The following GNAL variants were observed in gnomAD, a reference collection of about 807,000 sequenced individuals.
The protein encoded by GNAL is guanine nucleotide-binding protein G(olf) subunit alpha.
A neutral mutation model predicts 55.1 loss-of-function variants in GNAL; 18 were observed. That is an observed-to-expected ratio of 0.33 (90% CI 0.23 to 0.48). The LOEUF (loss-of-function observed/expected upper bound fraction) is 0.48, where lower values mean the gene tolerates loss of function less well. Among genes scored for constraint, GNAL ranks in the 20% least tolerant of loss-of-function variants. The pLI is 0.99. For missense variants in GNAL, 412 were observed against 614.1 expected (o/e 0.67, Z 3.48); for synonymous variants, 253 against 237.0 (o/e 1.07, Z -0.62).
At chr18:11,880,283 A>G (rs1368671104) in intron 11 of GNAL, among the ~76,000 whole-genome samples, 2 of 147,068 alleles carry the variant, frequency 1.4e-5, no homozygotes, top group African/African-American at 2.5e-5. Context: ...AAACAAGCTA[A>G]TTAGGTGGGG....
intron 4 of GNAL, among the ~76,000 whole-genome samples, chr18:11,821,275 G>T (rs2035081998): frequency 1.3e-5 from 2 of 152,148 alleles, no homozygotes; most frequent in South Asian, 4.1e-4. Flanking sequence ...AAACCCAGTA[G>T]AAAACTAAAG....
chr18:11,862,536 A>G, intron 6 of GNAL, 87 bp downstream of exon 6: 5 of 1,175,526 alleles, frequency 4.3e-6, no homozygotes, highest in Non-Finnish European at 5.1e-6. Context: ...AGAATGAATT[A>G]AGGAAAAATC....
At chr18:11,736,448 ATTAGTT>A in intron 1 of GNAL, among the ~76,000 whole-genome samples, 1 of 152,318 alleles carries the variant, frequency 6.6e-6, no homozygotes, top group East Asian at 1.9e-4. Flanking sequence ...ATGTAGAAGT[ATTAGTT>A]TTATTTTAAA....
In GNAL at chr18:11,882,134, CCAA is replaced by C. The variant is rs1265038376; in HGVS notation, c.*1002_*1004del. 1 of 152,180 alleles carries C rather than the reference CCAA, an allele frequency of 6.6e-6. No homozygotes were observed. The highest frequency in any genetic ancestry group is 1.5e-5 in the Non-Finnish European group (1 of 68,030). 9.4% of individuals were successfully genotyped at this position (152,180 alleles called of 1,614,324 possible). ...TCATCCACATTCTATCGACAATGTA[CCAA>C]CATCACAAGCTGTTGCAACCACCTG... On this transcript the variant is annotated 3_prime_UTR_variant, in exon 12 of 12. Transcript: ENST00000334049.
chr18:11,781,979 T>C (rs781597397), intron 4 of GNAL, among the ~76,000 whole-genome samples: 42 of 152,134 alleles, frequency 2.8e-4, no homozygotes, highest in Non-Finnish European at 4.6e-4. Flanking sequence ...AACAAGACAA[T>C]GGATACATAA....
rs540949677 is a variant in GNAL at position 11,705,848 on chromosome 18, C to G, written c.376+15909C>G. 2.6e-5 allele frequency among the ~76,000 whole-genome samples: 4 copies of G among 151,422 alleles called. No individual in the cohort carries two copies. In the East Asian group the frequency reaches 7.8e-4, roughly 29 times the overall value. On this transcript the variant is annotated intron_variant, in intron 1 of 11. Coordinates refer to ENST00000334049, the MANE Select transcript of GNAL (RefSeq NM_182978.4). ...TCGGCTCACTGCAACCTTCGCCTCC[C>G]AGGTCCAGGCGATTCCCCTGCCTTA...
intron 1 of GNAL, among the ~76,000 whole-genome samples, chr18:11,739,451 G>A (rs931265868): frequency 7.2e-5 from 11 of 152,066 alleles, no homozygotes; most frequent in African/African-American, 2.4e-4. Flanking sequence ...ACCATGGTAC[G>A]GTTCTCAAAA....
intron 1 of GNAL, among the ~76,000 whole-genome samples, chr18:11,741,201 A>C (rs1384802136): frequency 6.6e-6 from 1 of 152,216 alleles, no homozygotes; most frequent in African/African-American, 2.4e-5. Flanking sequence ...AGAAGGGTGT[A>C]GTTTTTTAAA....
At chr18:11,835,347 C>T (rs188262423) in intron 5 of GNAL, among the ~76,000 whole-genome samples, 19 of 151,024 alleles carry the variant, frequency 1.3e-4, no homozygotes, top group Non-Finnish European at 2.9e-5. Context: ...TAAAATGAAG[C>T]TGGGCACAGT....
At chr18:11,822,963 TA>T (rs1293052256) in intron 4 of GNAL, among the ~76,000 whole-genome samples, 2 of 152,168 alleles carry the variant, frequency 1.3e-5, no homozygotes, top group Non-Finnish European at 2.9e-5. Flanking sequence ...TGTGTTTGGA[TA>T]AATCCAGTTA....
chr18:11,752,214 T>A lies in GNAL; in HGVS notation c.377-639T>A. On this transcript the variant is annotated intron_variant, in intron 1 of 11. Coordinates refer to ENST00000334049, the MANE Select transcript of GNAL (RefSeq NM_182978.4). This position sits in a 1 kb window ranked among gnomAD's most constrained non-coding sequence, Gnocchi z 4.5. ...ATTCTCGTGTAAAAAGGCATTTTAC[T>A]CCGCGCGTCTTCCTTACAGCCATTT... is the stretch of plus-strand genomic sequence containing the variant. 1.2e-6 allele frequency: 1 copy of A among 818,482 alleles called. No individual in the cohort carries two copies. 50.7% of individuals were successfully genotyped at this position (818,482 alleles called of 1,614,324 possible).
intron 4 of GNAL, among the ~76,000 whole-genome samples, chr18:11,754,382 A>G (rs2032968297): frequency 6.6e-6 from 1 of 151,594 alleles, no homozygotes; most frequent in Admixed American, 6.6e-5. Flanking sequence ...ACGCCACTGC[A>G]CTCCAGCCTG....
rs541268315 is a variant in GNAL at position 11,722,872 on chromosome 18, G to A, written c.377-29981G>A. On this transcript the variant is annotated intron_variant, in intron 1 of 11. Transcript: ENST00000334049. ...ATTAAAAATACAAAATTAGCTGGGC[G>A]TGGTGGCGCATGCCTATAATCCCAG... Among the ~76,000 whole-genome samples, 111 of 152,320 alleles carry A rather than the reference G, an allele frequency of 7.3e-4. 1 individual carries two copies. The highest frequency in any genetic ancestry group is 2.6e-3 in the African/African-American group (108 of 41,568).
At chr18:11,717,887 G>C (rs2032011100) in intron 1 of GNAL, among the ~76,000 whole-genome samples, 1 of 152,078 alleles carries the variant, frequency 6.6e-6, no homozygotes, top group East Asian at 1.9e-4. Flanking sequence ...AAAACCTCAA[G>C]ACACAAGTTT....
chr18:11,844,747 TCATGAACAG>T lies in GNAL; in HGVS notation c.723-17647_723-17639del, dbSNP rs542745979. Among the ~76,000 whole-genome samples the T allele has an allele frequency of 1.9e-3, 297 of 152,344 alleles. 1 individual carries two copies. Among genetic ancestry groups the T allele is most frequent in the Middle Eastern group, 0.01 (3 of 294 alleles). ...CCTGACTTCTCACAATCTGTTCCCA[TCATGAACAG>T]AAGGTGCTCCCCGAGGAGGACGAGA... On this transcript the variant is annotated intron_variant, in intron 5 of 11. Coordinates refer to ENST00000334049, the MANE Select transcript of GNAL (RefSeq NM_182978.4).
rs537827457 is a variant in GNAL, at chr18:11,761,442, T to A, written c.624+7497T>A. ...ACCTCCCTTCCTGCCTGTTCTCTGT[T>A]ACCAGCAGGCCCCAGAGCTCGGCTC... On this transcript the variant is annotated intron_variant, in intron 4 of 11. Transcript: ENST00000334049. Among the ~76,000 whole-genome samples the A allele has an allele frequency of 2.6e-5, 4 of 152,332 alleles. No homozygotes were observed. The South Asian group carries it at 8.3e-4, about 32-fold the overall frequency.
At position 11,721,192 on chromosome 18, in the gene GNAL, G is replaced by A. The variant is rs1028375391; in HGVS notation, c.376+31253G>A. On this transcript the variant is annotated intron_variant, in intron 1 of 11. Coordinates refer to ENST00000334049, the MANE Select transcript of GNAL (RefSeq NM_182978.4). The stretch of plus-strand genomic sequence containing the variant: ...TTTAACAAACATTAATGAAACTGAC[G>A]ATGTTCACAGAAGTAAATTTCACTC... 5.3e-5 allele frequency among the ~76,000 whole-genome samples: 8 copies of A among 152,170 alleles called. No individual in the cohort carries two copies. In the East Asian group the frequency reaches 7.7e-4, roughly 15 times the overall value.
chr18:11,851,892 C>T, intron 5 of GNAL: 1 of 1,613,910 alleles, frequency 6.2e-7, no homozygotes, highest in Non-Finnish European at 8.5e-7. Flanking sequence ...CTCTGGACGT[C>T]CAGACGCAGC....
chr18:11,832,855 C>T (rs935497301), intron 5 of GNAL, among the ~76,000 whole-genome samples: 8 of 151,640 alleles, frequency 5.3e-5, no homozygotes, highest in Admixed American at 3.9e-4. Context: ...AGTGAAACTC[C>T]ATCTCAAAAT....
Sources: gnomAD v4.1 joint callset for allele counts (sites outside exome capture counted in the v4.1 genomes callset) on GRCh38, gnomAD v4.1.1 for gene constraint, Gnocchi (gnomAD v3.1) non-coding constraint, MANE v1.5 for transcripts, NCBI Gene and HGNC (gene_info 2026-07-23, HGNC 2026-07-21) for gene names.